CEP44: variants seen among roughly 807,000 people sequenced by gnomAD.
CEP44 encodes the protein centrosomal protein of 44 kDa.
Under a neutral mutation model 46.7 loss-of-function variants are expected in CEP44, and 45 were observed. That is an observed-to-expected ratio of 0.96 (90% CI 0.76 to 1.24). CEP44 has a LOEUF of 1.24. Ranked by LOEUF, CEP44 falls within the 50% of genes most tolerant of loss-of-function variation. The probability of loss-of-function intolerance (pLI) is 0.00; values close to 1 mark genes in which losing one functional copy is unlikely to be tolerated. For synonymous variants in CEP44, 142 were observed against 146.0 expected (o/e 0.97, Z 0.20); for missense variants, 475 against 459.7 (o/e 1.03, Z -0.30).
intron 1 of CEP44, among the ~76,000 whole-genome samples, chr4:174,292,984 C>A (rs1239567562): frequency 6.6e-6 from 1 of 152,170 alleles, no homozygotes; most frequent in East Asian, 1.9e-4. Context: ...TTTGAAGGAG[C>A]AGTTCCCACT....
In CEP44 at chr4:174,288,653, GT is replaced by G. The variant is rs1469883038; in HGVS notation, c.-148+4711del. 6.6e-6 allele frequency among the ~76,000 whole-genome samples: 1 copy of G among 151,986 alleles called. No homozygotes were observed. Among genetic ancestry groups the G allele is most frequent in the Non-Finnish European group, 1.5e-5 (1 of 67,960 alleles). ...TGTTTATTCTCACATTTTTGTTGGG[GT>G]CCCTAAGGTTTTCTACATCTAAGAT... On this transcript the variant is annotated intron_variant, in intron 1 of 11. Coordinates refer to ENST00000503780, the MANE Select transcript of CEP44 (RefSeq NM_001040157.3). This position sits in a 1 kb window ranked among gnomAD's most constrained non-coding sequence, Gnocchi z 4.6.
At chr4:174,303,349 A>G (rs1197781866) in intron 4 of CEP44, among the ~76,000 whole-genome samples, 2 of 152,188 alleles carry the variant, frequency 1.3e-5, no homozygotes, top group Non-Finnish European at 2.9e-5. Context: ...AGTTATAAAC[A>G]AATAGAACTA....
chr4:174,324,897 T>G (rs1742558355), downstream of CEP44, among the ~76,000 whole-genome samples: 2 of 152,160 alleles, frequency 1.3e-5, no homozygotes, highest in African/African-American at 4.8e-5. Context: ...TGTTCCCAAA[T>G]TCAACCCCCA....
chr4:174,311,535 A>G lies in CEP44; in HGVS notation c.961+677A>G, dbSNP rs943827245. On this transcript the variant is annotated intron_variant, in intron 9 of 11. Coordinates refer to ENST00000503780, the MANE Select transcript of CEP44 (RefSeq NM_001040157.3). The surrounding 1 kb of genome is among the most constrained non-coding windows in gnomAD (Gnocchi z 4.4). ...TTCATCGTTAAGTTAAATTTTTAAT[A>G]TCTGTGGATTGTTAACGTTATAAAA... 3.3e-5 allele frequency among the ~76,000 whole-genome samples: 5 copies of G among 152,118 alleles called. No homozygotes were observed. The highest frequency in any genetic ancestry group is 9.7e-5 in the African/African-American group (4 of 41,438).
chr4:174,316,066 AT>A (rs974644017), intron 9 of CEP44, 99 bp from the exon 10 acceptor site: 6 of 1,414,044 alleles, frequency 4.2e-6, no homozygotes, highest in Non-Finnish European at 5.8e-6. Context: ...GCCATTTTTA[AT>A]TAAAATAGTA....
At chr4:174,323,203 G>T (rs183327324), downstream of CEP44, among the ~76,000 whole-genome samples, 1 of 151,898 alleles carries the variant, frequency 6.6e-6, no homozygotes, top group Non-Finnish European at 1.5e-5. Flanking sequence ...ATCCCTAAAG[G>T]CCAAAAGAAG....
chr4:174,326,101 T>G lies in CEP44; in HGVS notation c.1087-5381T>G, dbSNP rs1742646866. On this transcript the variant is annotated intron_variant, in intron 8 of 8. Transcript: ENST00000426172. This position sits in a 1 kb window ranked among gnomAD's most constrained non-coding sequence, Gnocchi z 4.8. ...CAAATCTACCACCTTCTTATATTTG[T>G]TTTCTGTTTTTATCATTTGTTCTTA... Among the ~76,000 whole-genome samples, 1 of 152,112 alleles carries G rather than the reference T, an allele frequency of 6.6e-6. No individual in the cohort carries two copies. The highest frequency in any genetic ancestry group is 1.5e-5 in the Non-Finnish European group (1 of 68,002).
rs1057081012 is a variant in CEP44, at chr4:174,326,878, T to C, written c.1087-4604T>C. Reference sequence around the variant, plus strand: ...TGAGAAATCTACTGTTATTTTTATCTTTGTTTCTTTATGGAATCTGTCTTT... The same window carrying C: ...TGAGAAATCTACTGTTATTTTTATCCTTGTTTCTTTATGGAATCTGTCTTT... On this transcript the variant is annotated intron_variant, in intron 8 of 8. Transcript: ENST00000426172. The surrounding 1 kb of genome is among the most constrained non-coding windows in gnomAD (Gnocchi z 4.8). Among the ~76,000 whole-genome samples, 1 of 151,970 alleles carries C rather than the reference T, an allele frequency of 6.6e-6. No individual in the cohort carries two copies. The highest frequency in any genetic ancestry group is 1.5e-5 in the Non-Finnish European group (1 of 67,920).
rs1255632545 is a variant in CEP44, at chr4:174,310,992, C to G, written c.961+134C>G. 2.0e-6 allele frequency: 1 copy of G among 501,476 alleles called. No homozygotes were observed. Among genetic ancestry groups the G allele is most frequent in the African/African-American group, 2.0e-5 (1 of 50,168 alleles). The allele number at this position is 501,476 out of a possible 1,614,324, so 31.1% of individuals were successfully genotyped here. Reference sequence around the variant, plus strand: ...TAGAACAAAGAACATAATGAACCTACAGACTACTAAAGCCAAGAATTGCTT... The same window carrying G: ...TAGAACAAAGAACATAATGAACCTAGAGACTACTAAAGCCAAGAATTGCTT... On this transcript the variant is annotated intron_variant, in intron 9 of 11. Transcript: ENST00000503780. The surrounding 1 kb of genome is among the most constrained non-coding windows in gnomAD (Gnocchi z 4.2).
Position 174,287,698 on chromosome 4 carries a change from G to A in CEP44, c.-148+3755G>A, listed in dbSNP as rs538209285. On this transcript the variant is annotated intron_variant, in intron 1 of 11. Transcript: ENST00000503780. This position sits in a 1 kb window ranked among gnomAD's most constrained non-coding sequence, Gnocchi z 5.1. ...TACATGTATTAACTTATTAATACAC[G>A]AAGATCAAAAAGTGACCAAAATTGT... is the stretch of plus-strand genomic sequence containing the variant. Among the ~76,000 whole-genome samples, 1 of 151,962 alleles carries A rather than the reference G, an allele frequency of 6.6e-6. No homozygotes were observed. Among genetic ancestry groups the A allele is most frequent in the Non-Finnish European group, 1.5e-5 (1 of 68,000 alleles).
chr4:174,316,379 A>C, intron 10 of CEP44, 89 bp downstream of exon 10: 1 of 1,427,730 alleles, frequency 7.0e-7, no homozygotes, highest in African/African-American at 1.4e-5. Context: ...CAAGAAAAAT[A>C]GCAAACGCGA....
intron 3 of CEP44, among the ~76,000 whole-genome samples, chr4:174,299,844 G>A (rs977049636): frequency 6.6e-6 from 1 of 152,110 alleles, no homozygotes; most frequent in Non-Finnish European, 1.5e-5. Flanking sequence ...CTATATTCAT[G>A]CCTATATAAT....
Position 174,301,407 on chromosome 4 carries a change from A to G in CEP44, c.90-632A>G, listed in dbSNP as rs1232706329. On this transcript the variant is annotated intron_variant, in intron 3 of 11. Transcript: ENST00000503780. This position sits in a 1 kb window ranked among gnomAD's most constrained non-coding sequence, Gnocchi z 4.3. ...AGATCAGAAAGTTGAGGAAAGCTTC[A>G]TGGGAAGCTTGAGATTTGATGAATG... 1.3e-5 allele frequency among the ~76,000 whole-genome samples: 2 copies of G among 152,170 alleles called. No individual in the cohort carries two copies. The highest frequency in any genetic ancestry group is 4.8e-5 in the African/African-American group (2 of 41,456).
chr4:174,293,489 T>A (rs1370955091), intron 1 of CEP44, among the ~76,000 whole-genome samples: 1 of 152,228 alleles, frequency 6.6e-6, no homozygotes, highest in Admixed American at 6.5e-5. Flanking sequence ...ATTTCTTTCA[T>A]AGTTTTGTAA....
chr4:174,323,191 A>G (rs1232853471), downstream of CEP44, among the ~76,000 whole-genome samples: 2 of 152,136 alleles, frequency 1.3e-5, no homozygotes, highest in Non-Finnish European at 2.9e-5. Context: ...AAATTAAAAG[A>G]AATCCCTAAA....
Position 174,303,790 on chromosome 4 carries a change from GT to G in CEP44, c.328del (p.Cys110ValfsTer4). ...CGFAEWKIQIVCDILNCVMKK... is the reference protein window; with the variant it reads ...CGFAEWKIQIXCDILNCVMKK... ...GTTTGCAGAATGGAAAATCCAAATT[GT>G]TTGTGATATTTTGAATTGTGTGATG... On this transcript the variant is annotated frameshift_variant, in exon 5 of 12. Coordinates refer to ENST00000503780, the MANE Select transcript of CEP44 (RefSeq NM_001040157.3). LOFTEE classifies it high-confidence loss of function. 1.0e-5 allele frequency: 16 copies of G among 1,576,152 alleles called. No homozygotes were observed. Among genetic ancestry groups the G allele is most frequent in the Non-Finnish European group, 1.4e-5 (16 of 1,151,742 alleles).
Position 174,297,693 on chromosome 4 carries a change from A to G in CEP44, c.-147-273A>G, listed in dbSNP as rs1483024378. Reference sequence around the variant, plus strand: ...GTGTGTGTGTGTGTGTGTTTTCATTAATACTTCTTTCTGCCTTCGAACACT... The same window carrying G: ...GTGTGTGTGTGTGTGTGTTTTCATTGATACTTCTTTCTGCCTTCGAACACT... On this transcript the variant is annotated intron_variant, in intron 1 of 11. Transcript: ENST00000503780. This position sits in a 1 kb window ranked among gnomAD's most constrained non-coding sequence, Gnocchi z 4.3. 6.8e-6 allele frequency among the ~76,000 whole-genome samples: 1 copy of G among 146,920 alleles called. No homozygotes were observed. Among genetic ancestry groups the G allele is most frequent in the East Asian group, 2.2e-4 (1 of 4,602 alleles).
At chr4:174,333,278 A>G (rs1301117818) in exon 9 of CEP44, 3 of 148,202 alleles carry the variant, frequency 2.0e-5, no homozygotes, top group Non-Finnish European at 3.0e-5. Flanking sequence ...CAAAGGCCCA[A>G]TAGTCATTTA....
In CEP44 at chr4:174,329,151, A is replaced by G. The variant is rs2126705385; in HGVS notation, c.1087-2331A>G. ...ATTTTTTCGGATTTGGGATCTCACT[A>G]TGCTGCCCAGGCTAGTCTCAGACTC... is the stretch of plus-strand genomic sequence containing the variant. On this transcript the variant is annotated intron_variant, in intron 8 of 8. Transcript: ENST00000426172. This position sits in a 1 kb window ranked among gnomAD's most constrained non-coding sequence, Gnocchi z 4.0. Among the ~76,000 whole-genome samples, 1 of 152,082 alleles carries G rather than the reference A, an allele frequency of 6.6e-6. No homozygotes were observed. Among genetic ancestry groups the G allele is most frequent in the African/African-American group, 2.4e-5 (1 of 41,480 alleles).
Sources: gnomAD v4.1 joint callset for allele counts (sites outside exome capture counted in the v4.1 genomes callset) on GRCh38, gnomAD v4.1.1 for gene constraint, Gnocchi (gnomAD v3.1) non-coding constraint, MANE v1.5 for transcripts, NCBI Gene and HGNC (gene_info 2026-07-23, HGNC 2026-07-21) for gene names.